ROBO2: variants seen among roughly 807,000 people sequenced by gnomAD.
ROBO2 encodes the protein roundabout guidance receptor 2.
A neutral mutation model predicts 160.8 loss-of-function variants in ROBO2; 53 were observed. The ratio of observed to expected loss-of-function variants is 0.33; its 90% CI spans 0.26 to 0.41. ROBO2 has a LOEUF of 0.41. Ranked by LOEUF, ROBO2 falls within the 10% of genes least tolerant of loss-of-function variation. ROBO2 has a pLI of 1.00. For synonymous variants in ROBO2, 664 were observed against 611.7 expected (o/e 1.09, Z -1.26); for missense variants, 1,577 against 1,722.4 (o/e 0.92, Z 1.49).
intron 1 of ROBO2, among the ~76,000 whole-genome samples, chr3:77,058,702 T>A (rs1213063164): frequency 2.0e-5 from 3 of 151,812 alleles, no homozygotes; most frequent in African/African-American, 4.8e-5. Context: ...GGTAATTTTT[T>A]TTTTTTTGTA....
chr3:77,637,864 C>A (rs1037420477), intron 24 of ROBO2, among the ~76,000 whole-genome samples: 1 of 152,044 alleles, frequency 6.6e-6, no homozygotes, highest in Admixed American at 6.6e-5. Context: ...TTCCTTAAAG[C>A]AAGCTACCTC....
intron 2 of ROBO2, among the ~76,000 whole-genome samples, chr3:76,854,018 T>TTCTCTCTCTCTCTCTC (rs573633101): frequency 8.5e-6 from 1 of 117,196 alleles, no homozygotes; most frequent in Admixed American, 9.2e-5. Flanking sequence ...AGCATAGACT[T>TTCTCTCTCTCTCTCTC]TCTCTCTCTC....
chr3:77,424,348 T>C (rs778896166), intron 2 of ROBO2, among the ~76,000 whole-genome samples: 1 of 152,106 alleles, frequency 6.6e-6, no homozygotes. Flanking sequence ...CTTAGAAGAG[T>C]GAGCAAACAG....
chr3:76,697,353 T>A (rs2092949393), intron 2 of ROBO2, among the ~76,000 whole-genome samples: 1 of 152,108 alleles, frequency 6.6e-6, no homozygotes, highest in African/African-American at 2.4e-5. Flanking sequence ...CTCAAAACAT[T>A]TACATTATAG....
chr3:77,523,707 A>G (rs2090848776), intron 6 of ROBO2, among the ~76,000 whole-genome samples: 1 of 151,364 alleles, frequency 6.6e-6, no homozygotes, highest in Non-Finnish European at 1.5e-5. Context: ...AATTCTTGAA[A>G]CAGACATTAG....
At chr3:76,331,936 G>A (rs1241624525) in intron 2 of ROBO2, among the ~76,000 whole-genome samples, 2 of 151,938 alleles carry the variant, frequency 1.3e-5, no homozygotes, top group Non-Finnish European at 2.9e-5. Context: ...CGCCCAGCTC[G>A]ACCTCCCAAA....
At chr3:76,196,151 CTTAT>C (rs1702251373) in intron 2 of ROBO2, among the ~76,000 whole-genome samples, 1 of 152,096 alleles carries the variant, frequency 6.6e-6, no homozygotes, top group African/African-American at 2.4e-5. Flanking sequence ...GGACCTGATT[CTTAT>C]TTCCCATTTT....
chr3:77,043,485 G>A (rs185617379), intron 1 of ROBO2, among the ~76,000 whole-genome samples: 1 of 152,076 alleles, frequency 6.6e-6, no homozygotes, highest in Non-Finnish European at 1.5e-5. Context: ...TAATTTTTCA[G>A]TATTGTGTCC....
At chr3:76,304,261 A>G (rs2071214817) in intron 2 of ROBO2, among the ~76,000 whole-genome samples, 1 of 152,240 alleles carries the variant, frequency 6.6e-6, no homozygotes, top group Non-Finnish European at 1.5e-5. Context: ...GAAAGGATGT[A>G]TACGATACCT....
At chr3:77,347,557 A>T (rs1040446556) in intron 2 of ROBO2, among the ~76,000 whole-genome samples, 17 of 151,768 alleles carry the variant, frequency 1.1e-4, no homozygotes, top group African/African-American at 3.4e-4. Flanking sequence ...CATAATTTGT[A>T]TTTTTTTCTT....
At chr3:77,394,898 C>A (rs1427122664) in intron 2 of ROBO2, among the ~76,000 whole-genome samples, 1 of 152,090 alleles carries the variant, frequency 6.6e-6, no homozygotes, top group Non-Finnish European at 1.5e-5. Context: ...AACTTTAATG[C>A]CAATTCTTCA....
At chr3:76,121,655 G>A (rs1297385241) in intron 2 of ROBO2, among the ~76,000 whole-genome samples, 1 of 152,090 alleles carries the variant, frequency 6.6e-6, no homozygotes, top group African/African-American at 2.4e-5. Flanking sequence ...CTGTGTGATT[G>A]GATGCTGGCA....
chr3:77,436,455 A>G (rs1375106900), intron 2 of ROBO2, among the ~76,000 whole-genome samples: 1 of 151,688 alleles, frequency 6.6e-6, no homozygotes, highest in Non-Finnish European at 1.5e-5. Flanking sequence ...TTTCTTTTTT[A>G]TTCCTCTACA....
intron 2 of ROBO2, among the ~76,000 whole-genome samples, chr3:76,253,978 C>T (rs1284377284): frequency 3.9e-5 from 6 of 151,922 alleles, no homozygotes; most frequent in Non-Finnish European, 7.4e-5. Flanking sequence ...AGCATACTCT[C>T]AGATGTAATG....
intron 1 of ROBO2, among the ~76,000 whole-genome samples, chr3:75,914,169 G>T (rs1168897494): frequency 2.0e-5 from 3 of 152,072 alleles, no homozygotes; most frequent in Admixed American, 6.6e-5. Context: ...TGGTTATTGT[G>T]CAGGGAGCAT....
chr3:76,247,692 C>A (rs1303589736), intron 2 of ROBO2, among the ~76,000 whole-genome samples: 1 of 152,060 alleles, frequency 6.6e-6, no homozygotes, highest in African/African-American at 2.4e-5. Context: ...CAACTCGCAT[C>A]TTAAATTTTA....
chr3:76,481,808 T>C (rs1302035074), intron 2 of ROBO2, among the ~76,000 whole-genome samples: 3 of 152,124 alleles, frequency 2.0e-5, no homozygotes, highest in Admixed American at 1.3e-4. Context: ...TGTGACTGAC[T>C]GGAGGGTTCA....
At chr3:76,999,646 C>G (rs933684256) in intron 2 of ROBO2, among the ~76,000 whole-genome samples, 1 of 151,968 alleles carries the variant, frequency 6.6e-6, no homozygotes, top group Non-Finnish European at 1.5e-5. Context: ...CAGAAAAGAC[C>G]CACAATTTAG....
At chr3:76,402,762 G>A (rs781205622) in intron 2 of ROBO2, among the ~76,000 whole-genome samples, 6 of 151,556 alleles carry the variant, frequency 4.0e-5, no homozygotes, top group Non-Finnish European at 8.9e-5. Context: ...CAGCAACTGG[G>A]GGTCAAATTC....
Sources: allele counts gnomAD v4.1 joint callset (sites outside exome capture counted in the v4.1 genomes callset), GRCh38; gene constraint gnomAD v4.1.1; transcripts MANE v1.5; gene names NCBI Gene and HGNC (gene_info 2026-07-23, HGNC 2026-07-21).